The following AGBL1 variants were observed in gnomAD, a reference collection of about 807,000 sequenced individuals.
AGBL1 encodes cytosolic carboxypeptidase 4.
AGBL1 carries 130 observed loss-of-function variants against 118.9 expected under a neutral mutation model. That is an observed-to-expected ratio of 1.09 (90% CI 0.95 to 1.26). AGBL1 has a LOEUF of 1.26. Among genes scored for constraint, AGBL1 ranks in the 50% most tolerant of loss-of-function variants. AGBL1 has a pLI of 0.00. For synonymous variants in AGBL1, 555 were observed against 478.9 expected (o/e 1.16, Z -2.08); for missense variants, 1,584 against 1,298.1 (o/e 1.22, Z -3.38).
chr15:86,435,034 G>A (rs1055933878), intron 18 of AGBL1, among the ~76,000 whole-genome samples: 3 of 152,162 alleles, frequency 2.0e-5, no homozygotes, highest in Admixed American at 1.3e-4. Flanking sequence ...TTGAGCTATT[G>A]TAAATCCATC....
At chr15:86,759,613 A>G (rs964404191) in intron 22 of AGBL1, among the ~76,000 whole-genome samples, 2 of 152,068 alleles carry the variant, frequency 1.3e-5, no homozygotes, top group African/African-American at 4.8e-5. Flanking sequence ...CCTTTGTAAC[A>G]TTTGGTGAGG....
At chr15:86,487,414 A>G (rs2082727749) in intron 18 of AGBL1, among the ~76,000 whole-genome samples, 1 of 152,128 alleles carries the variant, frequency 6.6e-6, no homozygotes, top group Non-Finnish European at 1.5e-5. Context: ...TGGTGAAAAT[A>G]GTAATTAATA....
chr15:86,507,903 T>A (rs34296746), intron 18 of AGBL1, among the ~76,000 whole-genome samples: 7,111 of 152,160 alleles, frequency 0.047, 224 homozygotes, highest in Middle Eastern at 0.09. Context: ...ATAAGGTATT[T>A]GACCTGAGCA....
At chr15:86,182,872 C>T (rs2077573183) in intron 5 of AGBL1, among the ~76,000 whole-genome samples, 1 of 152,148 alleles carries the variant, frequency 6.6e-6, no homozygotes, top group African/African-American at 2.4e-5. Context: ...TTGCAGTTTA[C>T]AGTTTCCTTG....
intron 6 of AGBL1, among the ~76,000 whole-genome samples, chr15:86,244,059 ATAAG>A (rs57647025): frequency 1.5e-5 from 1 of 66,466 alleles, no homozygotes; most frequent in African/African-American, 7.1e-5. Flanking sequence ...AGATAGATAA[ATAAG>A]TAAATAAATA....
At chr15:86,214,622 C>G (rs1447588026) in intron 5 of AGBL1, among the ~76,000 whole-genome samples, 8 of 152,172 alleles carry the variant, frequency 5.3e-5, no homozygotes, top group African/African-American at 1.7e-4. Context: ...CAATCCCGGT[C>G]TGCTCCTTTC....
intron 24 of AGBL1, among the ~76,000 whole-genome samples, chr15:87,004,382 T>C (rs962988560): frequency 1.3e-5 from 2 of 152,170 alleles, no homozygotes; most frequent in African/African-American, 4.8e-5. Flanking sequence ...CTGTAGTGGG[T>C]GCATATATAT....
At chr15:87,017,018 A>G (rs1200720833) in intron 24 of AGBL1, among the ~76,000 whole-genome samples, 1 of 152,114 alleles carries the variant, frequency 6.6e-6, no homozygotes, top group Non-Finnish European at 1.5e-5. Flanking sequence ...GGGGAGCTAA[A>G]TCCAGGGAGC....
chr15:86,119,269 T>A (rs1044289867), intron 1 of AGBL1, among the ~76,000 whole-genome samples: 2 of 152,034 alleles, frequency 1.3e-5, no homozygotes, highest in African/African-American at 4.8e-5. Flanking sequence ...CTAAAGTGAG[T>A]CTGTGTCTCC....
At chr15:86,954,575 C>T (rs77000485) in intron 23 of AGBL1, among the ~76,000 whole-genome samples, 31 of 152,256 alleles carry the variant, frequency 2.0e-4, no homozygotes, top group Non-Finnish European at 2.6e-4. Flanking sequence ...CACCTGTTCT[C>T]ACTTTTAAGT....
At chr15:86,942,571 C>T (rs1358725636) in intron 23 of AGBL1, among the ~76,000 whole-genome samples, 1 of 152,144 alleles carries the variant, frequency 6.6e-6, no homozygotes, top group East Asian at 1.9e-4. Flanking sequence ...GATTTTAGAG[C>T]CACTTTATTA....
chr15:86,765,166 C>G (rs1405723828), intron 22 of AGBL1, among the ~76,000 whole-genome samples: 1 of 151,972 alleles, frequency 6.6e-6, no homozygotes, highest in East Asian at 1.9e-4. Flanking sequence ...GATACAGACC[C>G]GGAAGCAGAG....
chr15:86,984,442 G>A (rs1303692631), intron 23 of AGBL1, among the ~76,000 whole-genome samples: 6 of 148,378 alleles, frequency 4.0e-5, no homozygotes, highest in Non-Finnish European at 7.4e-5. Flanking sequence ...TCGGCTCACT[G>A]CAACCTCCGC....
At chr15:86,742,653 C>T (rs2077696683) in intron 22 of AGBL1, among the ~76,000 whole-genome samples, 1 of 152,122 alleles carries the variant, frequency 6.6e-6, no homozygotes, top group South Asian at 2.1e-4. Context: ...CAAGGATTTG[C>T]CCATTTTGCC....
intron 21 of AGBL1, among the ~76,000 whole-genome samples, chr15:86,656,146 A>G (rs1011429894): frequency 6.6e-6 from 1 of 152,196 alleles, no homozygotes; most frequent in Non-Finnish European, 1.5e-5. Context: ...ACATATTTCT[A>G]CTGGCCTTTG....
chr15:86,367,576 G>T (rs1206753262), intron 17 of AGBL1, among the ~76,000 whole-genome samples: 2 of 151,868 alleles, frequency 1.3e-5, no homozygotes, highest in Non-Finnish European at 2.9e-5. Flanking sequence ...CTGAAAGTAG[G>T]GAAGCAATTG....
At chr15:86,333,023 T>C (rs1404033858) in intron 17 of AGBL1, among the ~76,000 whole-genome samples, 13 of 152,188 alleles carry the variant, frequency 8.5e-5, no homozygotes, top group African/African-American at 3.1e-4. Context: ...CCAAAATCTT[T>C]GGTATATAGC....
At chr15:86,465,170 T>C (rs2082387062) in intron 18 of AGBL1, among the ~76,000 whole-genome samples, 1 of 152,192 alleles carries the variant, frequency 6.6e-6, no homozygotes, top group African/African-American at 2.4e-5. Context: ...ATTAATACTT[T>C]TATAATTTCT....
rs1367647 is a variant in AGBL1, at chr15:86,397,442, C to G, written c.2451C>G (p.Thr817=). ...ATGCCAGTTGGGTGATGAAGGGTAC[C>G]TTGGAGTTCCTGGTCAGCAGTGACC... ...ESNASWVMKG[T]LEFLVSSDPV... The change falls in exon 18 of 23, where the codon ACC becomes ACG. Residue 817 remains threonine, a synonymous_variant. Transcript: ENST00000614907. The G allele has an allele frequency of 1.2e-6, 2 of 1,612,918 alleles. No homozygotes were observed. The highest frequency in any genetic ancestry group is 1.7e-5 in the Admixed American group (1 of 59,926).
Sources: allele counts gnomAD v4.1 joint callset (sites outside exome capture counted in the v4.1 genomes callset), GRCh38; gene constraint gnomAD v4.1.1; transcripts MANE v1.5; gene names NCBI Gene and HGNC (gene_info 2026-07-23, HGNC 2026-07-21).